Variants in ACTN4 observed in about 807,000 individuals in gnomAD.
ACTN4 encodes actinin alpha 4, also known as alpha-actinin-4.
In ACTN4, 18 loss-of-function variants were observed where a neutral mutation model predicts 114.2. The observed-to-expected ratio is 0.16, with a 90% confidence interval of 0.11 to 0.23. ACTN4 has a LOEUF of 0.23. Among genes scored for constraint, ACTN4 ranks in the 10% least tolerant of loss-of-function variants. ACTN4 has a pLI of 1.00. For synonymous variants in ACTN4, 515 were observed against 506.3 expected, an observed-to-expected ratio of 1.02 and a Z score of -0.23; for missense variants, 722 against 1,262.9, an observed-to-expected ratio of 0.57 and a Z score of 6.49.
At chr19:38,689,599 G>A (rs573262812) in intron 1 of ACTN4, among the ~76,000 whole-genome samples, 158 of 152,196 alleles carry the variant, frequency 1.0e-3, no homozygotes, top group Non-Finnish European at 1.9e-3. Context: ...CCAGGCTTAA[G>A]TGTTCCTCCC....
At chr19:38,648,391 A>T (rs1289655893) in intron 1 of ACTN4, 1 of 153,216 alleles carries the variant, frequency 6.5e-6, no homozygotes, top group Non-Finnish European at 1.5e-5. Context: ...AAAGATCTGA[A>T]GGAGATTGGA....
intron 6 of ACTN4, 116 bp downstream of exon 6, chr19:38,708,311 G>C: frequency 2.7e-6 from 3 of 1,129,436 alleles, no homozygotes; most frequent in Non-Finnish European, 2.6e-6. Context: ...GGTTCTGCAC[G>C]CAGATGGGCA....
chr19:38,717,324 C>T lies in ACTN4; in HGVS notation c.1143+8C>T. The stretch of plus-strand genomic sequence containing the variant: ...GAGGGCAAGATGGTCTCGGTGAGCA[C>T]CAGGATTCACATGGGAGCAGCTGTG... On this transcript the variant is annotated splice_region_variant and intron_variant, in intron 10 of 20. Transcript: ENST00000252699. This position sits in a 1 kb window ranked among gnomAD's most constrained non-coding sequence, Gnocchi z 4.0. 6.2e-7 allele frequency: 1 copy of T among 1,612,978 alleles called. No individual in the cohort carries two copies. The highest frequency in any genetic ancestry group is 8.5e-7 in the Non-Finnish European group (1 of 1,179,646).
At position 38,726,970 on chromosome 19, in the gene ACTN4, G is replaced by C. The variant is rs148099235; in HGVS notation, c.2204G>C (p.Gly735Ala). The stretch of plus-strand genomic sequence containing the variant: ...GTCTTTCCGCAGCACATCCGCGTGG[G>C]CTGGGAGCAGCTGCTCACCACCATT... The part of the protein sequence containing the change: ...TNYTMEHIRV[G>A]WEQLLTTIAR... Residue 735 changes from glycine to alanine, a missense_variant, in exon 18 of 21, where the codon GGC (glycine) becomes GCC (alanine). Transcript: ENST00000252699. 2 of 1,613,902 alleles carry C rather than the reference G, an allele frequency of 1.2e-6. No homozygotes were observed. Among genetic ancestry groups the C allele is most frequent in the African/African-American group, 2.7e-5 (2 of 74,922 alleles).
Position 38,730,788 on chromosome 19 carries a change from G to GC in ACTN4, c.*1358dup, listed in dbSNP as rs576013103. The GC allele has an allele frequency of 7.5e-5, 116 of 1,536,908 alleles. No individual in the cohort carries two copies. In the East Asian group the frequency reaches 2.5e-3, roughly 34 times the overall value. ...GAGAGTGGCACCCATGCCAGGCAAG[G>GC]CCTAGGGAGGTGGTCTTGCTCAGCA... is the stretch of plus-strand genomic sequence containing the variant. On this transcript the variant is annotated 3_prime_UTR_variant, in exon 21 of 21. Coordinates refer to ENST00000252699, the MANE Select transcript of ACTN4 (RefSeq NM_004924.6).
At chr19:38,666,650 C>G (rs1295995667) in intron 1 of ACTN4, among the ~76,000 whole-genome samples, 1 of 152,230 alleles carries the variant, frequency 6.6e-6, no homozygotes, top group Non-Finnish European at 1.5e-5. Context: ...CTTCTTGCCT[C>G]TGAGATGAGC....
chr19:38,729,673 T>TATGA lies in ACTN4; in HGVS notation c.*242_*245dup. 1 of 695,244 alleles carries TATGA rather than the reference T, an allele frequency of 1.4e-6. No individual in the cohort carries two copies. The highest frequency in any genetic ancestry group is 2.6e-6 in the Non-Finnish European group (1 of 384,534). 43.1% of individuals were successfully genotyped at this position (695,244 alleles called of 1,614,324 possible). On this transcript the variant is annotated 3_prime_UTR_variant, in exon 21 of 21. Transcript: ENST00000252699. ...CAGCGCTTCTGGTCTGGTAAATATG[T>TATGA]ATGATGTGTTGTGCTTTTTTAACCA...
At chr19:38,682,297 C>T (rs1967601705) in intron 1 of ACTN4, among the ~76,000 whole-genome samples, 2 of 152,166 alleles carry the variant, frequency 1.3e-5, no homozygotes, top group South Asian at 2.1e-4. Context: ...GCCTCAGCCT[C>T]CCGAAGTGCT....
rs1477662855 is a variant in ACTN4 at position 38,731,002 on chromosome 19, T to A, written c.*1570T>A. On this transcript the variant is annotated 3_prime_UTR_variant, in exon 21 of 21. Transcript: ENST00000252699. ...CAGGCAGATGACCCCCTCACCCCCATCCAGGTGCTGGCTGCAGTGGCCTGT... is the reference window on the plus strand; with the variant it reads ...CAGGCAGATGACCCCCTCACCCCCAACCAGGTGCTGGCTGCAGTGGCCTGT... The A allele has an allele frequency of 6.4e-7, 1 of 1,552,140 alleles. No individual in the cohort carries two copies. Among genetic ancestry groups the A allele is most frequent in the Non-Finnish European group, 8.7e-7 (1 of 1,147,926 alleles).
Position 38,730,307 on chromosome 19 carries a change from G to C in ACTN4, c.*875G>C, listed in dbSNP as rs1259235474. ...ATAATGAAGACATAGCCGATTCTCT[G>C]CCCGGGCCCCTTGCTGATGCTCCTC... On this transcript the variant is annotated 3_prime_UTR_variant, in exon 21 of 21. Transcript: ENST00000252699. 1 of 164,700 alleles carries C rather than the reference G, an allele frequency of 6.1e-6. No homozygotes were observed. The highest frequency in any genetic ancestry group is 1.3e-5 in the Non-Finnish European group (1 of 75,106). The allele number at this position is 164,700 out of a possible 1,614,324, so 10.2% of individuals were successfully genotyped here.
intron 17 of ACTN4, 120 bp from the exon 18 acceptor site, chr19:38,726,837 G>C: frequency 7.0e-7 from 1 of 1,436,816 alleles, no homozygotes; most frequent in Non-Finnish European, 9.5e-7. Context: ...CCTGTGAGGT[G>C]TACAGGAGAG....
chr19:38,682,048 A>G (rs1031386830), intron 1 of ACTN4, among the ~76,000 whole-genome samples: 3 of 152,058 alleles, frequency 2.0e-5, no homozygotes, highest in African/African-American at 7.2e-5. Flanking sequence ...CCAGGCTGGT[A>G]TCAAGCTCCT....
intron 1 of ACTN4, among the ~76,000 whole-genome samples, chr19:38,679,336 CTG>C (rs1212579762): frequency 1.8e-4 from 28 of 152,204 alleles, no homozygotes; most frequent in African/African-American, 6.0e-4. Flanking sequence ...GTGCCCGGCA[CTG>C]TGTCAGGAGC....
chr19:38,717,790 C>T lies in ACTN4; in HGVS notation c.1144-137C>T. On this transcript the variant is annotated intron_variant, in intron 10 of 20. Transcript: ENST00000252699. The surrounding 1 kb of genome is among the most constrained non-coding windows in gnomAD (Gnocchi z 4.0). ...TGCTGGGGGGCCCTGTGTAGGCATC[C>T]AGGTATAATAGCAAAGCATGACACA... is the stretch of plus-strand genomic sequence containing the variant. The T allele has an allele frequency of 2.5e-6, 3 of 1,189,842 alleles. No individual in the cohort carries two copies. The highest frequency in any genetic ancestry group is 2.7e-5 in the South Asian group (2 of 75,022). 73.7% of individuals were successfully genotyped at this position (1,189,842 alleles called of 1,614,324 possible).
In ACTN4 at chr19:38,727,532, G is replaced by A. The variant is rs1969277875; in HGVS notation, c.2338-414G>A. On this transcript the variant is annotated intron_variant, in intron 18 of 20. Coordinates refer to ENST00000252699, the MANE Select transcript of ACTN4 (RefSeq NM_004924.6). The surrounding 1 kb of genome is among the most constrained non-coding windows in gnomAD (Gnocchi z 5.4). ...CCCAGCCCACCCCTGCCGGGCTGAC[G>A]GACTGAGAAGTGTGCAGCCTCAGCT... 6.6e-6 allele frequency among the ~76,000 whole-genome samples: 1 copy of A among 151,578 alleles called. No individual in the cohort carries two copies. Among genetic ancestry groups the A allele is most frequent in the Non-Finnish European group, 1.5e-5 (1 of 67,840 alleles).
At position 38,717,462 on chromosome 19, in the gene ACTN4, G is replaced by T; in HGVS notation, c.1143+146G>T. 1 of 1,150,446 alleles carries T rather than the reference G, an allele frequency of 8.7e-7. No individual in the cohort carries two copies. 71.3% of individuals were successfully genotyped at this position (1,150,446 alleles called of 1,614,324 possible). A position where few individuals can be genotyped will look rare whatever the true frequency, so the allele number is the denominator to read the frequency against. ...TGGCCTTTCGGATGCAGTGGTCGGG[G>T]AGGGGTGCACTTCACTCGGCATTGT... On this transcript the variant is annotated intron_variant, in intron 10 of 20. Coordinates refer to ENST00000252699, the MANE Select transcript of ACTN4 (RefSeq NM_004924.6). This position sits in a 1 kb window ranked among gnomAD's most constrained non-coding sequence, Gnocchi z 4.0.
chr19:38,652,855 G>A (rs1448788719), intron 1 of ACTN4, among the ~76,000 whole-genome samples: 3 of 152,150 alleles, frequency 2.0e-5, no homozygotes, highest in Non-Finnish European at 4.4e-5. Context: ...GGAGGCTGAG[G>A]TGGGCAGATC....
intron 1 of ACTN4, among the ~76,000 whole-genome samples, chr19:38,684,443 C>T (rs540850646): frequency 1.3e-5 from 2 of 152,308 alleles, no homozygotes; most frequent in East Asian, 1.9e-4. Context: ...GGTCCCCCAC[C>T]CCCTGCAGGA....
intron 3 of ACTN4, among the ~76,000 whole-genome samples, chr19:38,703,713 C>T (rs1968360692): frequency 6.6e-6 from 1 of 152,096 alleles, no homozygotes. Flanking sequence ...AGACAGTGAA[C>T]AAGTAAACAG....
Sources: allele counts gnomAD v4.1 joint callset (sites outside exome capture counted in the v4.1 genomes callset), GRCh38; gene constraint gnomAD v4.1.1; non-coding constraint Gnocchi (gnomAD v3.1); transcripts MANE v1.5; gene names NCBI Gene and HGNC (gene_info 2026-07-23, HGNC 2026-07-21).